Variants in ZRANB3 observed in about 807,000 individuals in gnomAD.
ZRANB3 encodes the protein zinc finger RANBP2-type containing 3.
A neutral mutation model predicts 133.8 loss-of-function variants in ZRANB3; 125 were observed. The observed-to-expected ratio is 0.93, with a 90% CI of 0.81 to 1.08. The LOEUF is 1.08. ZRANB3 is among the 50% of genes least tolerant of loss of function. The probability of loss-of-function intolerance (pLI) is 0.00; values close to 1 mark genes in which losing one functional copy is unlikely to be tolerated. For synonymous variants in ZRANB3, 387 were observed against 432.7 expected, an observed-to-expected ratio of 0.89 and a Z score of 1.31; for missense variants, 1,229 against 1,275.5, an observed-to-expected ratio of 0.96 and a Z score of 0.56.
intron 1 of ZRANB3, chr2:135,511,396 C>T (rs1244380833): frequency 2.5e-5 from 20 of 804,690 alleles, no homozygotes; most frequent in Non-Finnish European, 4.1e-5. Context: ...TGTTCTTCCA[C>T]GTCATTACTG....
At chr2:135,259,685 T>A (rs889140318) in intron 12 of ZRANB3, among the ~76,000 whole-genome samples, 1 of 152,140 alleles carries the variant, frequency 6.6e-6, no homozygotes, top group African/African-American at 2.4e-5. Flanking sequence ...CTCAAAGTGC[T>A]GGGATTACAG....
chr2:135,366,684 AAG>A (rs1440480721), intron 3 of ZRANB3, among the ~76,000 whole-genome samples: 1 of 152,138 alleles, frequency 6.6e-6, no homozygotes, highest in Admixed American at 6.5e-5. Context: ...AAGAAAAAGA[AAG>A]AGAAAACTAT....
chr2:135,275,561 T>G, intron 9 of ZRANB3, 75 bp downstream of exon 9: 1 of 1,268,804 alleles, frequency 7.9e-7, no homozygotes. Flanking sequence ...ACCTCAACTA[T>G]GAGACTACAA....
intron 8 of ZRANB3, among the ~76,000 whole-genome samples, chr2:135,312,141 ATT>A (rs1234227446): frequency 8.7e-6 from 1 of 114,930 alleles, no homozygotes; most frequent in South Asian, 3.0e-4. Context: ...TTATTATTTT[ATT>A]TTATTTTATT....
chr2:135,520,950 T>C (rs1693911890), intron 1 of ZRANB3, among the ~76,000 whole-genome samples: 1 of 152,166 alleles, frequency 6.6e-6, no homozygotes, highest in Admixed American at 6.5e-5. Context: ...AGGCAACTGT[T>C]TTCAGATTAA....
At position 135,479,943 on chromosome 2, in the gene ZRANB3, T is replaced by C. The variant is rs576490428; in HGVS notation, c.161+24386A>G. 5.3e-5 allele frequency among the ~76,000 whole-genome samples: 8 copies of C among 152,002 alleles called. No individual in the cohort carries two copies. In the South Asian group the frequency reaches 1.7e-3, roughly 32 times the overall value. On this transcript the variant is annotated intron_variant, in intron 2 of 20. Coordinates refer to ENST00000264159, the MANE Select transcript of ZRANB3 (RefSeq NM_032143.4). The stretch of plus-strand genomic sequence containing the variant: ...CTATACTTACGATTAATTCATATTT[T>C]CTTTTTTTTTTTGAGACGGATGCTC...
chr2:135,395,918 A>G (rs1350144536), intron 2 of ZRANB3, among the ~76,000 whole-genome samples: 1 of 152,344 alleles, frequency 6.6e-6, no homozygotes, highest in East Asian at 1.9e-4. Flanking sequence ...CAAACTATCC[A>G]TCTGACAAGG....
At chr2:135,300,435 T>C (rs560246860) in intron 8 of ZRANB3, among the ~76,000 whole-genome samples, 2 of 152,226 alleles carry the variant, frequency 1.3e-5, no homozygotes, top group Non-Finnish European at 2.9e-5. Flanking sequence ...TTTCAAATGA[T>C]TCATTGAAAA....
intron 10 of ZRANB3, 135 bp downstream of exon 10, chr2:135,271,633 G>T: frequency 9.4e-7 from 1 of 1,062,396 alleles, no homozygotes; most frequent in Non-Finnish European, 1.3e-6. Flanking sequence ...GGAACTCTCT[G>T]AAGAAGAATT....
chr2:135,459,135 A>ACAGACTCCCAGACTGTCACAGTT (rs1690655960), intron 2 of ZRANB3, among the ~76,000 whole-genome samples: 1 of 152,190 alleles, frequency 6.6e-6, no homozygotes, highest in Admixed American at 6.5e-5. Flanking sequence ...TACATATGTG[A>ACAGACTCCCAGACTGTCACAGTT]CAGACTCCCA....
intron 3 of ZRANB3, among the ~76,000 whole-genome samples, chr2:135,369,165 T>A (rs1686062921): frequency 6.6e-6 from 1 of 151,964 alleles, no homozygotes; most frequent in Non-Finnish European, 1.5e-5. Flanking sequence ...GAGTACAATG[T>A]TTAAAAAAAC....
chr2:135,231,796 C>A (rs1272187121), intron 12 of ZRANB3, among the ~76,000 whole-genome samples: 1 of 150,910 alleles, frequency 6.6e-6, no homozygotes, highest in African/African-American at 2.4e-5. Flanking sequence ...AAAAAAAAAA[C>A]ACACACAAAA....
At chr2:135,423,969 G>A (rs900673210) in intron 2 of ZRANB3, among the ~76,000 whole-genome samples, 1 of 152,102 alleles carries the variant, frequency 6.6e-6, no homozygotes, top group Admixed American at 6.5e-5. Flanking sequence ...CTGCCTTTTT[G>A]CTGTCCTGAT....
At chr2:135,254,303 C>T (rs1311476388) in intron 12 of ZRANB3, among the ~76,000 whole-genome samples, 3 of 152,194 alleles carry the variant, frequency 2.0e-5, no homozygotes, top group South Asian at 2.1e-4. Flanking sequence ...CAGAGCCTGG[C>T]TTACATGTCT....
intron 7 of ZRANB3, among the ~76,000 whole-genome samples, 174 bp from the exon 8 acceptor site, chr2:135,313,779 G>C (rs192996771): frequency 2.0e-5 from 3 of 152,344 alleles, no homozygotes; most frequent in Non-Finnish European, 4.4e-5. Flanking sequence ...AGGTAGGTCA[G>C]TCACATTTTC....
At chr2:135,386,448 T>A (rs1686978458) in intron 3 of ZRANB3, among the ~76,000 whole-genome samples, 1 of 152,140 alleles carries the variant, frequency 6.6e-6, no homozygotes, top group Non-Finnish European at 1.5e-5. Flanking sequence ...TCCTCAGGGA[T>A]CCAGAACCAG....
Position 135,372,396 on chromosome 2 carries a change from A to T in ZRANB3, c.180+18406T>A, listed in dbSNP as rs527284922. ...GTTATAGGAGTCAGATGGGATCAAG[A>T]CAATCCCCAAACCCACTTAAAGGAA... On this transcript the variant is annotated intron_variant, in intron 3 of 20. Coordinates refer to ENST00000264159, the MANE Select transcript of ZRANB3 (RefSeq NM_032143.4). Among the ~76,000 whole-genome samples the T allele has an allele frequency of 4.6e-5, 7 of 152,264 alleles. No homozygotes were observed. The East Asian group carries it at 9.7e-4, about 21-fold the overall frequency.
At chr2:135,273,340 G>T (rs981846264) in intron 9 of ZRANB3, among the ~76,000 whole-genome samples, 1 of 152,132 alleles carries the variant, frequency 6.6e-6, no homozygotes, top group East Asian at 1.9e-4. Context: ...TTTTATAAGG[G>T]AATATCCAAG....
intron 2 of ZRANB3, among the ~76,000 whole-genome samples, chr2:135,463,716 C>A (rs377246065): frequency 4.6e-5 from 7 of 152,220 alleles, no homozygotes; most frequent in Non-Finnish European, 5.9e-5. Flanking sequence ...CACACCCAGT[C>A]ACCTTTAGGT....
Sources: allele counts gnomAD v4.1 joint callset (sites outside exome capture counted in the v4.1 genomes callset), GRCh38; gene constraint gnomAD v4.1.1; transcripts MANE v1.5; gene names NCBI Gene and HGNC (gene_info 2026-07-23, HGNC 2026-07-21).